IFI16: variants seen among roughly 807,000 people sequenced by gnomAD.
IFI16 encodes interferon gamma inducible protein 16.
In IFI16, 49 loss-of-function variants were observed where a neutral mutation model predicts 68.4. The observed-to-expected ratio is 0.72, with a 90% CI of 0.57 to 0.91. The LOEUF (loss-of-function observed/expected upper bound fraction) is 0.91. IFI16 is among the 40% of genes least tolerant of loss of function. IFI16 has a pLI of 0.00. For missense variants in IFI16, 878 were observed against 942.9 expected (o/e 0.93, Z 0.90); for synonymous variants, 307 against 315.0 (o/e 0.97, Z 0.27).
In IFI16 at chr1:159,018,221, A is replaced by G. The variant is rs749877148; in HGVS notation, c.550-8A>G. The G allele has an allele frequency of 1.9e-6, 3 of 1,611,458 alleles. No homozygotes were observed. Among genetic ancestry groups the G allele is most frequent in the East Asian group, 2.2e-5 (1 of 44,848 alleles). ...TTTTTCTTTGTTCTCCTGTGCTATC[A>G]TACACAGAACCCGAAAACAGTGGCC... On this transcript the variant is annotated splice_polypyrimidine_tract_variant and splice_region_variant and intron_variant, in intron 4 of 11. Transcript: ENST00000295809.
chr1:159,054,769 G>A (rs1313003030), intron 11 of IFI16, 52 bp from the exon 12 acceptor site: 3 of 903,496 alleles, frequency 3.3e-6, no homozygotes, highest in African/African-American at 3.3e-5. Flanking sequence ...AGGGAGAAAT[G>A]TAGGATCATC....
Position 159,054,865 on chromosome 1 carries a change from T to G in IFI16, c.2322T>G (p.Asp774Glu). 6.2e-7 allele frequency: 1 copy of G among 1,604,820 alleles called. No homozygotes were observed. Among genetic ancestry groups the G allele is most frequent in the Admixed American group, 1.7e-5 (1 of 59,570 alleles). ...ACAAGAAAGACATACTCAATCCTGA[T>G]TCAAGTATGGAAACTTCACCAGACT... is the stretch of plus-strand genomic sequence containing the variant. The part of the protein sequence containing the change: ...RKNKKDILNP[D>E]SSMETSPDFF... Residue 774 changes from aspartate to glutamate, a missense_variant, in exon 12 of 12, where the codon GAT becomes GAG. By Grantham distance (45) the Asp-to-Glu change is conservative (BLOSUM62 2). Around this residue, in one of 4 missense-constraint regions of IFI16, gnomAD observed 311 missense variants for 305.1 expected, o/e 1.02. Coordinates refer to ENST00000295809, the MANE Select transcript of IFI16 (RefSeq NM_001376587.1).
intron 6 of IFI16, among the ~76,000 whole-genome samples, chr1:159,027,352 C>A (rs902645179): frequency 2.6e-5 from 4 of 152,144 alleles, no homozygotes; most frequent in Non-Finnish European, 5.9e-5. Flanking sequence ...GTATGTTAAA[C>A]CATCCCTGCG....
At position 159,018,382 on chromosome 1, in the gene IFI16, A is replaced by G; in HGVS notation, c.703A>G (p.Thr235Ala). 1 of 1,614,188 alleles carries G rather than the reference A, an allele frequency of 6.2e-7. No homozygotes were observed. Among genetic ancestry groups the G allele is most frequent in the Non-Finnish European group, 8.5e-7 (1 of 1,179,996 alleles). The change falls in exon 5 of 12, where the codon ACA becomes GCA. Residue 235 changes from threonine (T) to alanine (A), a missense_variant. By Grantham distance (58) the Thr-to-Ala change is moderately conservative. Coordinates refer to ENST00000295809, the MANE Select transcript of IFI16 (RefSeq NM_001376587.1). Reference protein sequence around the residue: ...KKIMFHATVATQTQFFHVKVL... With the variant: ...KKIMFHATVAAQTQFFHVKVL... ...AATAATGTTTCATGCTACAGTGGCT[A>G]CACAGACACAGTTCTTCCATGTGAA...
chr1:159,008,351 T>C (rs529409097), upstream of IFI16, among the ~76,000 whole-genome samples: 298 of 152,296 alleles, frequency 2.0e-3, 1 homozygote, highest in African/African-American at 6.9e-3. Context: ...CAAATTGCAA[T>C]TGTTGGCCAC....
At chr1:159,007,404 G>C (rs148506828), upstream of IFI16, among the ~76,000 whole-genome samples, 1 of 152,148 alleles carries the variant, frequency 6.6e-6, no homozygotes, top group Non-Finnish European at 1.5e-5. Context: ...TTTTGCTAAA[G>C]AAAAAAATAT....
intron 1 of IFI16, 36 bp from the exon 2 acceptor site, chr1:159,014,625 C>T (rs752630045): frequency 7.9e-6 from 11 of 1,383,952 alleles, no homozygotes; most frequent in South Asian, 1.4e-5. Context: ...TGTCTGTATA[C>T]ATGTGTAACA....
intron 7 of IFI16, among the ~76,000 whole-genome samples, chr1:159,042,473 C>T (rs2570917): frequency 0.99 from 150,106 of 152,294 alleles, 74,017 homozygotes; most frequent in East Asian, 1. Context: ...CATCAGAGTT[C>T]AGTTTCCGTA....
chr1:159,049,916 C>T (rs1310468006), intron 9 of IFI16, among the ~76,000 whole-genome samples: 1 of 151,048 alleles, frequency 6.6e-6, no homozygotes, highest in African/African-American at 2.5e-5. Context: ...AAAACAGAGC[C>T]ACCCATAACA....
At chr1:159,011,324 A>C (rs188619238) in intron 1 of IFI16, among the ~76,000 whole-genome samples, 3 of 151,998 alleles carry the variant, frequency 2.0e-5, no homozygotes, top group African/African-American at 7.2e-5. Context: ...CAGAGGTTGC[A>C]GTGAGCCGAG....
intron 7 of IFI16, among the ~76,000 whole-genome samples, chr1:159,040,917 T>C (rs1226707702): frequency 1.3e-5 from 2 of 152,210 alleles, no homozygotes; most frequent in Non-Finnish European, 2.9e-5. Flanking sequence ...ATTTAAATTG[T>C]CTCCAGTATA....
chr1:159,010,862 A>T (rs1652506656), intron 1 of IFI16, among the ~76,000 whole-genome samples: 1 of 152,166 alleles, frequency 6.6e-6, no homozygotes, highest in Non-Finnish European at 1.5e-5. Flanking sequence ...GCAGTTAGGA[A>T]AAGGTTACTA....
intron 7 of IFI16, among the ~76,000 whole-genome samples, chr1:159,034,002 G>A (rs1633258): frequency 0.99 from 150,343 of 152,296 alleles, 74,233 homozygotes; most frequent in East Asian, 1. Flanking sequence ...ATACTTCCTT[G>A]CCCTTGGTAA....
rs747989168 is a variant in IFI16, at chr1:159,054,872, A to G, written c.2329A>G (p.Met777Val). The G allele has an allele frequency of 8.7e-6, 14 of 1,603,096 alleles. 1 individual carries two copies. The South Asian group carries it at 1.4e-4, about 16-fold the overall frequency. ...KKDILNPDSS[M>V]ETSPDFFF is the part of the protein sequence containing the mutation. ...AGACATACTCAATCCTGATTCAAGT[A>G]TGGAAACTTCACCAGACTTTTTCTT... is the stretch of plus-strand genomic sequence containing the variant. Residue 777 changes from methionine to valine, a missense_variant, in exon 12 of 12, where the codon ATG becomes GTG. By Grantham distance (21) the Met-to-Val change is conservative (BLOSUM62 1). This residue lies in a region of IFI16 where 311 missense variants were observed against 305.1 expected (regional missense o/e 1.02). Transcript: ENST00000295809.
At chr1:159,039,064 AG>A (rs1654476303) in intron 7 of IFI16, among the ~76,000 whole-genome samples, 2 of 152,126 alleles carry the variant, frequency 1.3e-5, no homozygotes, top group Admixed American at 6.6e-5. Context: ...ATAAACTGAG[AG>A]GGTTATTTAA....
upstream of IFI16, chr1:159,009,884 G>A (rs967934705): frequency 6.6e-6 from 1 of 152,188 alleles, no homozygotes; most frequent in African/African-American, 2.4e-5. Flanking sequence ...GGTGGGAGGA[G>A]TCTCCACATT....
At chr1:159,043,293 A>G (rs559033631) in intron 7 of IFI16, among the ~76,000 whole-genome samples, 3 of 152,400 alleles carry the variant, frequency 2.0e-5, no homozygotes, top group African/African-American at 7.2e-5. Flanking sequence ...TGTTACTGCA[A>G]TGACATACAT....
intron 8 of IFI16, among the ~76,000 whole-genome samples, chr1:159,046,539 T>G (rs1255279656): frequency 2.0e-5 from 3 of 151,352 alleles, no homozygotes. Flanking sequence ...GAATAACAAT[T>G]CCACCAGTAT....
chr1:159,051,919 G>C lies in IFI16; in HGVS notation c.1906G>C (p.Val636Leu). The C allele has an allele frequency of 6.2e-7, 1 of 1,614,084 alleles. No homozygotes were observed. Reference sequence around the variant, plus strand: ...GAAGATCATTGCCATAGCAAATTATGTTTGCCGCAATGGGTTCCTGGAGGT... The same window carrying C: ...GAAGATCATTGCCATAGCAAATTATCTTTGCCGCAATGGGTTCCTGGAGGT... Reference protein sequence around the residue: ...PKKIIAIANYVCRNGFLEVYP... With the variant: ...PKKIIAIANYLCRNGFLEVYP... Residue 636 changes from valine to leucine, a missense_variant, in exon 10 of 12, where the codon GTT becomes CTT. Around this residue, in one of 4 missense-constraint regions of IFI16, gnomAD observed 311 missense variants for 305.1 expected, o/e 1.02. Coordinates refer to ENST00000295809, the MANE Select transcript of IFI16 (RefSeq NM_001376587.1).
Sources: allele counts gnomAD v4.1 joint callset (sites outside exome capture counted in the v4.1 genomes callset), GRCh38; gene constraint gnomAD v4.1.1; regional missense constraint gnomAD v4.1.1; transcripts MANE v1.5; gene names NCBI Gene and HGNC (gene_info 2026-07-23, HGNC 2026-07-21).